The following CNTN5 variants were observed in gnomAD, a reference collection of about 807,000 sequenced individuals.
CNTN5 encodes the protein contactin 5.
In CNTN5, 77 loss-of-function variants were observed where a neutral mutation model predicts 129.1. The ratio of observed to expected loss-of-function variants is 0.60; its 90% confidence interval spans 0.50 to 0.72. The LOEUF (loss-of-function observed/expected upper bound fraction) is 0.72. Ranked by LOEUF, CNTN5 falls within the 30% of genes least tolerant of loss-of-function variation. The pLI is 0.00. For synonymous variants in CNTN5, 509 were observed against 465.6 expected (o/e 1.09, Z -1.20); for missense variants, 1,478 against 1,328.8 (o/e 1.11, Z -1.75).
intron 16 of CNTN5, among the ~76,000 whole-genome samples, chr11:100,245,484 T>A (rs1949822792): frequency 1.3e-5 from 2 of 152,080 alleles, no homozygotes. Flanking sequence ...TATAGGCTAA[T>A]CAAGGCCATT....
At chr11:100,039,065 G>A (rs1057090863) in intron 9 of CNTN5, among the ~76,000 whole-genome samples, 2 of 152,170 alleles carry the variant, frequency 1.3e-5, no homozygotes, top group African/African-American at 2.4e-5. Flanking sequence ...TCCTAGCCTT[G>A]ATGGTCTTTA....
intron 1 of CNTN5, chr11:99,049,948 A>G (rs143758374): frequency 1.3e-5 from 2 of 152,202 alleles, no homozygotes; most frequent in Non-Finnish European, 2.9e-5. Flanking sequence ...TGCTTGTTCT[A>G]TTTCTAATTT....
intron 2 of CNTN5, among the ~76,000 whole-genome samples, chr11:99,538,287 C>G (rs1947973715): frequency 6.6e-6 from 1 of 152,130 alleles, no homozygotes; most frequent in Admixed American, 6.6e-5. Flanking sequence ...TGAAGCAGCA[C>G]ACGTTCTATT....
chr11:99,708,613 A>T (rs1483072924), intron 3 of CNTN5, among the ~76,000 whole-genome samples: 2 of 151,718 alleles, frequency 1.3e-5, no homozygotes, highest in African/African-American at 4.8e-5. Context: ...CAAGCAGTCA[A>T]ATCTAACTAA....
At chr11:99,312,173 C>T (rs1865141242) in intron 1 of CNTN5, among the ~76,000 whole-genome samples, 1 of 151,990 alleles carries the variant, frequency 6.6e-6, no homozygotes, top group African/African-American at 2.4e-5. Flanking sequence ...CAAAGCAAAA[C>T]AAAAAATAAA....
intron 3 of CNTN5, among the ~76,000 whole-genome samples, chr11:99,817,762 A>G (rs1231890053): frequency 6.6e-6 from 1 of 152,160 alleles, no homozygotes. Flanking sequence ...TCTAGGTGCC[A>G]AAACTTGCAT....
chr11:100,030,039 G>A (rs559980244), intron 9 of CNTN5, among the ~76,000 whole-genome samples: 1 of 152,220 alleles, frequency 6.6e-6, no homozygotes, highest in South Asian at 2.1e-4. Context: ...GCTCTACTTT[G>A]AACTGTAGTG....
intron 16 of CNTN5, among the ~76,000 whole-genome samples, chr11:100,235,277 G>A (rs10791277): frequency 0.68 from 104,086 of 152,042 alleles, 35,698 homozygotes; most frequent in Admixed American, 0.76. Context: ...CTGCTTTGGC[G>A]TGCCTTTTGA....
chr11:99,095,384 T>C (rs180937809), intron 1 of CNTN5, among the ~76,000 whole-genome samples: 12 of 151,938 alleles, frequency 7.9e-5, no homozygotes, highest in Non-Finnish European at 2.9e-5. Flanking sequence ...AAATACAAAA[T>C]GGTGAGAGTG....
chr11:100,107,132 T>C (rs1418104744), intron 13 of CNTN5, among the ~76,000 whole-genome samples: 2 of 152,184 alleles, frequency 1.3e-5, no homozygotes, highest in Non-Finnish European at 2.9e-5. Flanking sequence ...CAAAGTGGAC[T>C]AATAATAAAC....
chr11:99,694,658 A>G (rs915904416), intron 3 of CNTN5, among the ~76,000 whole-genome samples: 1 of 151,934 alleles, frequency 6.6e-6, no homozygotes, highest in Admixed American at 6.6e-5. Context: ...TCCTAATGCT[A>G]TCCCTCCCCG....
chr11:99,834,653 G>C (rs1344430747), intron 4 of CNTN5, among the ~76,000 whole-genome samples: 1 of 152,144 alleles, frequency 6.6e-6, no homozygotes, highest in Admixed American at 6.5e-5. Context: ...CAAAGGAAGA[G>C]CATAAAATAG....
intron 1 of CNTN5, among the ~76,000 whole-genome samples, chr11:99,168,115 A>G (rs1860965749): frequency 6.6e-6 from 1 of 151,876 alleles, no homozygotes. Context: ...GCTATTTTTT[A>G]ATATTTTTTG....
intron 13 of CNTN5, among the ~76,000 whole-genome samples, chr11:100,188,665 T>C (rs755477192): frequency 6.6e-6 from 1 of 152,226 alleles, no homozygotes; most frequent in East Asian, 1.9e-4. Flanking sequence ...TCAGCCACTA[T>C]GGAAAGCAAT....
chr11:99,768,172 T>A (rs1163424056), intron 3 of CNTN5, among the ~76,000 whole-genome samples: 1 of 152,126 alleles, frequency 6.6e-6, no homozygotes, highest in Non-Finnish European at 1.5e-5. Flanking sequence ...GATTCACCAG[T>A]TATTAAAATT....
At chr11:100,215,094 A>G (rs1055421700) in intron 15 of CNTN5, among the ~76,000 whole-genome samples, 2 of 152,234 alleles carry the variant, frequency 1.3e-5, no homozygotes, top group Non-Finnish European at 2.9e-5. Context: ...CTGGGCTAGA[A>G]TGGTTAAAAT....
At chr11:99,222,697 T>A (rs1015638286) in intron 1 of CNTN5, among the ~76,000 whole-genome samples, 3 of 152,150 alleles carry the variant, frequency 2.0e-5, no homozygotes, top group Non-Finnish European at 4.4e-5. Context: ...TCTGGATTTG[T>A]TATTTAAATT....
intron 16 of CNTN5, among the ~76,000 whole-genome samples, chr11:100,253,834 A>T (rs1950017674): frequency 6.6e-6 from 1 of 152,176 alleles, no homozygotes; most frequent in Non-Finnish European, 1.5e-5. Context: ...ACTTTGCTTT[A>T]GATAAACAAA....
chr11:99,713,030 C>T (rs620371), intron 3 of CNTN5, among the ~76,000 whole-genome samples: 2 of 151,862 alleles, frequency 1.3e-5, no homozygotes, highest in African/African-American at 2.4e-5. Flanking sequence ...GAAAGTCAGC[C>T]GTAGTTTGAT....
Sources: gnomAD v4.1 joint callset for allele counts (sites outside exome capture counted in the v4.1 genomes callset) on GRCh38, gnomAD v4.1.1 for gene constraint, MANE v1.5 for transcripts, NCBI Gene and HGNC (gene_info 2026-07-23, HGNC 2026-07-21) for gene names.